The following PRIMA1 variants were observed in gnomAD, a reference collection of about 807,000 sequenced individuals.
PRIMA1 encodes proline-rich membrane anchor 1.
A neutral mutation model predicts 17.5 loss-of-function variants in PRIMA1; 7 were observed. The ratio of observed to expected loss-of-function variants is 0.40; its 90% CI spans 0.23 to 0.75. PRIMA1 has a LOEUF of 0.75. PRIMA1 is among the 30% of genes least tolerant of loss of function. The pLI is 0.37. For missense variants in PRIMA1, 200 were observed against 201.8 expected (o/e 0.99, Z 0.05); for synonymous variants, 97 against 77.9 (o/e 1.25, Z -1.29).
intron 3 of PRIMA1, among the ~76,000 whole-genome samples, chr14:93,770,375 G>A (rs1309209309): frequency 3.9e-5 from 6 of 152,216 alleles, no homozygotes; most frequent in African/African-American, 1.4e-4. Flanking sequence ...ACGGCCCTGT[G>A]CGGTCCGGGC....
At chr14:93,752,905 T>C (rs574404891) in intron 3 of PRIMA1, among the ~76,000 whole-genome samples, 2 of 152,358 alleles carry the variant, frequency 1.3e-5, no homozygotes, top group South Asian at 4.1e-4. Context: ...ATCGACATCG[T>C]GGACAATTTG....
At chr14:93,744,204 C>T (rs2076201978) in intron 3 of PRIMA1, among the ~76,000 whole-genome samples, 2 of 152,220 alleles carry the variant, frequency 1.3e-5, no homozygotes, top group African/African-American at 4.8e-5. Flanking sequence ...CGCGGTTTCT[C>T]AGAAGTCTCT....
At position 93,726,150 on chromosome 14, in the gene PRIMA1, G is replaced by A. The variant is rs551176716; in HGVS notation, c.360-4604C>T. On this transcript the variant is annotated intron_variant, in intron 4 of 4. Coordinates refer to ENST00000393140, the MANE Select transcript of PRIMA1 (RefSeq NM_178013.4). The surrounding 1 kb of genome is among the most constrained non-coding windows in gnomAD (Gnocchi z 4.2). ...CAGCAGGCTCCCACATTCCCTGCTC[G>A]GAGTGCCGCGCGGACAGCTCCAGCC... 4.8e-5 allele frequency: 21 copies of A among 435,990 alleles called. No homozygotes were observed. In the East Asian group the frequency reaches 9.1e-4, roughly 19 times the overall value. The allele number at this position is 435,990 out of a possible 1,614,324, so 27.0% of individuals were successfully genotyped here.
intron 2 of PRIMA1, among the ~76,000 whole-genome samples, chr14:93,784,184 G>GA: frequency 1.3e-5 from 2 of 152,326 alleles, no homozygotes; most frequent in East Asian, 3.9e-4. Context: ...AAAGATGCTA[G>GA]AAAAACAATT....
At chr14:93,782,070 A>G (rs993361247) in intron 2 of PRIMA1, among the ~76,000 whole-genome samples, 1 of 152,188 alleles carries the variant, frequency 6.6e-6, no homozygotes, top group African/African-American at 2.4e-5. Context: ...GATCGAGACC[A>G]TCCTGGCTAA....
At position 93,721,208 on chromosome 14, in the gene PRIMA1, G is replaced by A. The variant is rs1209423324; in HGVS notation, c.*236C>T. ...GGGAGGAGGATGTGGAGGGCCTGGG[G>A]TGGGGACACTGCCCAGGTGCTGCGC... On this transcript the variant is annotated 3_prime_UTR_variant, in exon 5 of 5. Coordinates refer to ENST00000393140, the MANE Select transcript of PRIMA1 (RefSeq NM_178013.4). The A allele has an allele frequency of 1.9e-6, 1 of 520,526 alleles. No homozygotes were observed. Among genetic ancestry groups the A allele is most frequent in the Non-Finnish European group, 3.4e-6 (1 of 292,992 alleles). 32.2% of individuals were successfully genotyped at this position (520,526 alleles called of 1,614,324 possible).
At chr14:93,773,389 C>T (rs181055835) in intron 3 of PRIMA1, among the ~76,000 whole-genome samples, 51 of 152,316 alleles carry the variant, frequency 3.3e-4, no homozygotes, top group African/African-American at 1.1e-3. Flanking sequence ...TGTGCTCCTA[C>T]GACCAACAGC....
chr14:93,777,546 C>T (rs890029293), intron 3 of PRIMA1, among the ~76,000 whole-genome samples: 1 of 152,166 alleles, frequency 6.6e-6, no homozygotes, highest in Non-Finnish European at 1.5e-5. Context: ...CCATGTTGGC[C>T]AGGCTGGTCT....
chr14:93,765,721 T>C (rs1884876440), intron 3 of PRIMA1, among the ~76,000 whole-genome samples: 1 of 152,070 alleles, frequency 6.6e-6, no homozygotes, highest in Admixed American at 6.5e-5. Flanking sequence ...GTATCCTTGC[T>C]TCAAATTATG....
At chr14:93,779,929 G>T (rs772755814) in intron 2 of PRIMA1, among the ~76,000 whole-genome samples, 11 of 152,198 alleles carry the variant, frequency 7.2e-5, no homozygotes, top group Non-Finnish European at 1.5e-4. Flanking sequence ...AGGTGGTCTT[G>T]TGGGAAGGGC....
intron 4 of PRIMA1, among the ~76,000 whole-genome samples, chr14:93,731,320 T>C (rs973792870): frequency 2.8e-5 from 3 of 106,426 alleles, no homozygotes; most frequent in African/African-American, 9.0e-5. Flanking sequence ...AATAGCAGTA[T>C]ACACATCACT....
At chr14:93,742,544 G>A (rs896893704) in intron 3 of PRIMA1, among the ~76,000 whole-genome samples, 1 of 152,226 alleles carries the variant, frequency 6.6e-6, no homozygotes, top group Non-Finnish European at 1.5e-5. Flanking sequence ...GTGCCCACCT[G>A]TATGGGGTCC....
rs77903681 is a variant in PRIMA1 at position 93,754,902 on chromosome 14, C to A, written c.230-17532G>T. Among the ~76,000 whole-genome samples, 1,253 of 152,274 alleles carry A rather than the reference C, an allele frequency of 8.2e-3. 9 individuals carry two copies. Among genetic ancestry groups the A allele is most frequent in the African/African-American group, 0.028 (1,183 of 41,556 alleles). ...AGGGTGACGCTTCAGAAACCAGCCACGTCCACCTGCTTTAGAAAACCAAAG... is the reference window on the plus strand; with the variant it reads ...AGGGTGACGCTTCAGAAACCAGCCAAGTCCACCTGCTTTAGAAAACCAAAG... On this transcript the variant is annotated intron_variant, in intron 3 of 4. Coordinates refer to ENST00000393140, the MANE Select transcript of PRIMA1 (RefSeq NM_178013.4).
intron 3 of PRIMA1, among the ~76,000 whole-genome samples, chr14:93,737,990 G>A (rs777138407): frequency 6.6e-6 from 1 of 152,244 alleles, no homozygotes; most frequent in Non-Finnish European, 1.5e-5. Flanking sequence ...GAGGGAGGAA[G>A]GAAAGAAAGG....
chr14:93,748,121 A>C (rs1319266947), intron 3 of PRIMA1, among the ~76,000 whole-genome samples: 1 of 151,532 alleles, frequency 6.6e-6, no homozygotes, highest in African/African-American at 2.4e-5. Context: ...TGTGTGAATG[A>C]GTGTGCATGA....
intron 3 of PRIMA1, among the ~76,000 whole-genome samples, chr14:93,772,615 T>C (rs1885101991): frequency 6.6e-6 from 1 of 152,264 alleles, no homozygotes; most frequent in Non-Finnish European, 1.5e-5. Flanking sequence ...CCTCTAGCTC[T>C]GCCAGGGTTC....
intron 3 of PRIMA1, among the ~76,000 whole-genome samples, chr14:93,737,891 A>G (rs2076161345): frequency 6.6e-6 from 1 of 152,098 alleles, no homozygotes; most frequent in Non-Finnish European, 1.5e-5. Flanking sequence ...CCCCATAAAA[A>G]ATAACAGAGC....
intron 3 of PRIMA1, among the ~76,000 whole-genome samples, chr14:93,747,975 GTA>G (rs2076234311): frequency 6.7e-6 from 1 of 150,320 alleles, no homozygotes; most frequent in African/African-American, 2.5e-5. Context: ...AAGTGTGTGA[GTA>G]TGAGTTGGGA....
chr14:93,738,425 CAA>C (rs2076164846), intron 3 of PRIMA1, among the ~76,000 whole-genome samples: 1 of 151,908 alleles, frequency 6.6e-6, no homozygotes, highest in Non-Finnish European at 1.5e-5. Context: ...AAAAGAGAAA[CAA>C]AGAGGAAAGG....
Sources: gnomAD v4.1 joint callset for allele counts (sites outside exome capture counted in the v4.1 genomes callset) on GRCh38, gnomAD v4.1.1 for gene constraint, Gnocchi (gnomAD v3.1) non-coding constraint, MANE v1.5 for transcripts, NCBI Gene and HGNC (gene_info 2026-07-23, HGNC 2026-07-21) for gene names.